TTC39C: variants seen among roughly 807,000 people sequenced by gnomAD.
The protein encoded by TTC39C is tetratricopeptide repeat domain 39C.
TTC39C carries 33 observed loss-of-function variants against 76.3 expected under a neutral mutation model. The observed-to-expected ratio is 0.43, with a 90% CI of 0.33 to 0.58. TTC39C has a LOEUF of 0.58. TTC39C is among the 20% of genes least tolerant of loss of function. The pLI is 0.04. For synonymous variants in TTC39C, 254 were observed against 260.6 expected (o/e 0.97, Z 0.24); for missense variants, 595 against 701.4 (o/e 0.85, Z 1.71).
chr18:24,116,626 A>G (rs982458804), intron 7 of TTC39C, among the ~76,000 whole-genome samples: 4 of 152,058 alleles, frequency 2.6e-5, no homozygotes, highest in Admixed American at 2.6e-4. Flanking sequence ...TCTGAAGTGT[A>G]TATCTCACAC....
rs2085114269 is a variant in TTC39C at position 24,130,600 on chromosome 18, A to AT, written c.1623+183_1623+184insT. ...TAGTAATACTACCTTATTATCTTTA[A>AT]GGAGGTAATTTCTTCCCTAGCATTC... is the stretch of plus-strand genomic sequence containing the variant. On this transcript the variant is annotated intron_variant, in intron 12 of 13. Coordinates refer to ENST00000317571, the MANE Select transcript of TTC39C (RefSeq NM_001135993.2). 2.0e-5 allele frequency among the ~76,000 whole-genome samples: 3 copies of AT among 152,224 alleles called. No homozygotes were observed. The South Asian group carries it at 6.2e-4, about 32-fold the overall frequency.
At chr18:24,035,370 A>G (rs1259056451) in intron 1 of TTC39C, among the ~76,000 whole-genome samples, 2 of 152,002 alleles carry the variant, frequency 1.3e-5, no homozygotes, top group African/African-American at 4.8e-5. Flanking sequence ...CTACTATACT[A>G]TTTTCCACAG....
intron 1 of TTC39C, chr18:24,016,618 A>T (rs996184895): frequency 1.8e-5 from 7 of 398,414 alleles, no homozygotes; most frequent in African/African-American, 1.4e-4. Context: ...CATTGAAAGC[A>T]TGAAATTTTT....
intron 6 of TTC39C, among the ~76,000 whole-genome samples, chr18:24,094,586 A>G (rs186095821): frequency 1.9e-4 from 29 of 152,374 alleles, no homozygotes; most frequent in Admixed American, 3.3e-4. Context: ...GAGCTGCAGA[A>G]TGGATGTTGT....
upstream of TTC39C, among the ~76,000 whole-genome samples, chr18:24,010,807 A>G (rs951282323): frequency 6.6e-6 from 1 of 152,118 alleles, no homozygotes; most frequent in African/African-American, 2.4e-5. Context: ...CAGCACTCTA[A>G]GAGGCCGAGG....
At position 24,064,299 on chromosome 18, in the gene TTC39C, T is replaced by C. The variant is rs912732771; in HGVS notation, c.216+111T>C. ...CACTATTGTAGAAAGTCTTTTAGAG[T>C]TTAAAACTGAAATAAAGTTTTTGCC... is the stretch of plus-strand genomic sequence containing the variant. On this transcript the variant is annotated intron_variant, in intron 2 of 13. Coordinates refer to ENST00000317571, the MANE Select transcript of TTC39C (RefSeq NM_001135993.2). The C allele has an allele frequency of 5.2e-5, 66 of 1,275,120 alleles. No individual in the cohort carries two copies. The Middle Eastern group carries it at 8.9e-4, about 17-fold the overall frequency. 79.0% of individuals were successfully genotyped at this position (1,275,120 alleles called of 1,614,324 possible).
At chr18:24,092,969 G>C (rs1196321947) in intron 6 of TTC39C, among the ~76,000 whole-genome samples, 1 of 152,176 alleles carries the variant, frequency 6.6e-6, no homozygotes, top group Non-Finnish European at 1.5e-5. Context: ...TTGGAAGGCT[G>C]AGGTGGGAGG....
At chr18:24,065,789 T>C (rs1432635037) in intron 2 of TTC39C, among the ~76,000 whole-genome samples, 7 of 152,234 alleles carry the variant, frequency 4.6e-5, no homozygotes, top group Admixed American at 2.0e-4. Flanking sequence ...GGCAAGGACA[T>C]TTATTACCGT....
chr18:24,081,190 A>T (rs2084371449), intron 5 of TTC39C, among the ~76,000 whole-genome samples: 1 of 152,146 alleles, frequency 6.6e-6, no homozygotes, highest in Non-Finnish European at 1.5e-5. Flanking sequence ...ACCTCAAATG[A>T]TTTTATAAGC....
intron 4 of TTC39C, among the ~76,000 whole-genome samples, chr18:24,073,653 C>A (rs1599298879): frequency 6.6e-6 from 1 of 152,026 alleles, no homozygotes. Context: ...GTAGCTGGGA[C>A]TACAGGCATG....
At chr18:23,997,407 C>T (rs1324182240) in intron 1 of TTC39C, among the ~76,000 whole-genome samples, 2 of 151,650 alleles carry the variant, frequency 1.3e-5, no homozygotes, top group Admixed American at 6.6e-5. Flanking sequence ...GAAAATTAGC[C>T]GGGCGTGGTC....
At chr18:23,999,741 A>C (rs2083297835) in intron 1 of TTC39C, among the ~76,000 whole-genome samples, 1 of 152,180 alleles carries the variant, frequency 6.6e-6, no homozygotes, top group African/African-American at 2.4e-5. Flanking sequence ...AGAGAAGGTG[A>C]GACTGGGAAG....
intron 1 of TTC39C, among the ~76,000 whole-genome samples, chr18:24,040,171 A>G (rs2083775468): frequency 6.6e-6 from 1 of 152,232 alleles, no homozygotes; most frequent in Non-Finnish European, 1.5e-5. Flanking sequence ...CAGTTAAAGC[A>G]GGGGATTCTA....
rs1372938529 is a variant in TTC39C at position 24,134,255 on chromosome 18, C to G, written c.*1681C>G. ...ATTGGTGCCCAAAAATATTGGACAT[C>G]TGTTTTTTGTTTTTTTTTTTTTTTT... On this transcript the variant is annotated 3_prime_UTR_variant, in exon 14 of 14. Coordinates refer to ENST00000317571, the MANE Select transcript of TTC39C (RefSeq NM_001135993.2). 1 of 46,708 alleles carries G rather than the reference C, an allele frequency of 2.1e-5. No individual in the cohort carries two copies. Among genetic ancestry groups the G allele is most frequent in the East Asian group, 6.6e-4 (1 of 1,510 alleles). 2.9% of individuals were successfully genotyped at this position (46,708 alleles called of 1,614,324 possible).
chr18:24,003,962 C>A (rs1400447683), intron 1 of TTC39C, among the ~76,000 whole-genome samples: 2 of 152,152 alleles, frequency 1.3e-5, no homozygotes, highest in African/African-American at 2.4e-5. Flanking sequence ...GTTGCCCAGG[C>A]TAGTCTCCAA....
chr18:24,048,493 A>T (rs141419833), intron 1 of TTC39C, among the ~76,000 whole-genome samples: 45 of 152,358 alleles, frequency 3.0e-4, no homozygotes, highest in African/African-American at 1.1e-3. Context: ...GGGGCCAGTT[A>T]TGCCTGTATG....
chr18:24,046,743 T>G (rs2145703494), intron 1 of TTC39C, among the ~76,000 whole-genome samples: 1 of 152,010 alleles, frequency 6.6e-6, no homozygotes, highest in East Asian at 1.9e-4. Context: ...AGAAACATTT[T>G]TAAGTCTCTT....
At chr18:24,092,092 CAAAAAAAAAAAAA>C (rs74171390) in intron 6 of TTC39C, among the ~76,000 whole-genome samples, 1 of 67,594 alleles carries the variant, frequency 1.5e-5, no homozygotes, top group African/African-American at 5.9e-5. Context: ...GACTCAGTCT[CAAAAAAAAAAAAA>C]AAAAAAAAAA....
At chr18:24,029,189 G>A (rs1444325363) in intron 1 of TTC39C, among the ~76,000 whole-genome samples, 3 of 151,972 alleles carry the variant, frequency 2.0e-5, no homozygotes, top group African/African-American at 7.3e-5. Flanking sequence ...TGCAACCTCT[G>A]CCTCCTGAGT....
Sources: allele counts gnomAD v4.1 joint callset (sites outside exome capture counted in the v4.1 genomes callset), GRCh38; gene constraint gnomAD v4.1.1; transcripts MANE v1.5; gene names NCBI Gene and HGNC (gene_info 2026-07-23, HGNC 2026-07-21).